METTL15: variants seen among roughly 807,000 people sequenced by gnomAD.
METTL15 encodes the protein methyltransferase 15, mitochondrial 12S rRNA N4-cytidine.
Under a neutral mutation model 38.3 loss-of-function variants are expected in METTL15, and 34 were observed. That is an observed-to-expected ratio of 0.89 (90% confidence interval 0.68 to 1.18). The LOEUF is 1.18. METTL15 is among the 50% of genes most tolerant of loss of function. METTL15 has a pLI of 0.00. For synonymous variants in METTL15, 162 were observed against 170.9 expected, an observed-to-expected ratio of 0.95 and a Z score of 0.41; for missense variants, 438 against 498.4, an observed-to-expected ratio of 0.88 and a Z score of 1.15.
At chr11:28,179,740 AT>A (rs990983519) in intron 3 of METTL15, among the ~76,000 whole-genome samples, 9 of 151,626 alleles carry the variant, frequency 5.9e-5, no homozygotes, top group African/African-American at 2.2e-4. Context: ...CCTCATATGT[AT>A]TTTTTGGGTG....
chr11:28,174,616 C>A (rs1477141207), intron 3 of METTL15, among the ~76,000 whole-genome samples: 2 of 151,570 alleles, frequency 1.3e-5, no homozygotes, highest in African/African-American at 2.4e-5. Context: ...AGATTGAGAC[C>A]ATCCTGGCGA....
intron 3 of METTL15, among the ~76,000 whole-genome samples, chr11:28,177,849 G>A (rs1851134343): frequency 6.6e-6 from 1 of 151,934 alleles, no homozygotes; most frequent in African/African-American, 2.4e-5. Context: ...AGATAACTGA[G>A]TGGATGGATA....
At chr11:28,222,279 C>G (rs1853270130) in intron 4 of METTL15, among the ~76,000 whole-genome samples, 1 of 152,168 alleles carries the variant, frequency 6.6e-6, no homozygotes, top group African/African-American at 2.4e-5. Flanking sequence ...AGCCTGGCTG[C>G]TCCCTTGCCG....
chr11:28,323,844 C>G (rs1281871748), intron 6 of METTL15, among the ~76,000 whole-genome samples: 2 of 152,154 alleles, frequency 1.3e-5, no homozygotes, highest in Admixed American at 1.3e-4. Flanking sequence ...CAAACCTGAT[C>G]TGGAATGTGA....
chr11:28,161,452 T>G (rs1850461303), intron 3 of METTL15, among the ~76,000 whole-genome samples: 1 of 151,998 alleles, frequency 6.6e-6, no homozygotes. Context: ...GGGTACTAAT[T>G]TGAAAGAATT....
At chr11:28,268,903 C>G (rs1855536473) in intron 4 of METTL15, among the ~76,000 whole-genome samples, 3 of 152,046 alleles carry the variant, frequency 2.0e-5, no homozygotes. Flanking sequence ...TTGTATACTG[C>G]TTTAGAACAA....
chr11:28,485,677 A>G (rs1337923858), intron 6 of METTL15, among the ~76,000 whole-genome samples: 3 of 152,306 alleles, frequency 2.0e-5, no homozygotes, highest in Non-Finnish European at 2.9e-5. Context: ...TGCATTTCCT[A>G]TATGAAATTT....
intron 6 of METTL15, among the ~76,000 whole-genome samples, chr11:28,501,563 T>C (rs1008873489): frequency 1.3e-5 from 2 of 152,176 alleles, no homozygotes; most frequent in Admixed American, 1.3e-4. Flanking sequence ...AGGTTACAAT[T>C]GGCTTTTGGT....
At chr11:28,510,280 T>A (rs1453336502) in intron 6 of METTL15, among the ~76,000 whole-genome samples, 1 of 152,210 alleles carries the variant, frequency 6.6e-6, no homozygotes, top group African/African-American at 2.4e-5. Context: ...CAGTACTAGA[T>A]ACCATAAATC....
At chr11:28,323,960 A>G (rs960859489) in intron 6 of METTL15, among the ~76,000 whole-genome samples, 1 of 152,198 alleles carries the variant, frequency 6.6e-6, no homozygotes, top group Non-Finnish European at 1.5e-5. Flanking sequence ...GAGAGAAGTA[A>G]GTGCCAAATA....
intron 5 of METTL15, among the ~76,000 whole-genome samples, chr11:28,389,989 C>T (rs538077690): frequency 2.7e-4 from 41 of 150,776 alleles, no homozygotes; most frequent in South Asian, 8.4e-4. Context: ...CCAGTGATGA[C>T]GAGCATTTTT....
intron 6 of METTL15, among the ~76,000 whole-genome samples, chr11:28,310,491 C>A (rs1474985483): frequency 6.6e-6 from 1 of 152,052 alleles, no homozygotes; most frequent in South Asian, 2.1e-4. Context: ...TTCTGTGATT[C>A]CTATACCTCC....
chr11:28,435,123 A>G (rs1210529468), intron 6 of METTL15, among the ~76,000 whole-genome samples: 1 of 152,218 alleles, frequency 6.6e-6, no homozygotes, highest in African/African-American at 2.4e-5. Flanking sequence ...AATTACTAAC[A>G]TGCTTGACCA....
chr11:28,241,609 T>A (rs187621777), intron 4 of METTL15, among the ~76,000 whole-genome samples: 208 of 150,024 alleles, frequency 1.4e-3, no homozygotes, highest in Middle Eastern at 3.5e-3. Context: ...TAGATAAAGC[T>A]TTTTACAGTT....
chr11:28,365,775 C>T (rs928889432), intron 5 of METTL15, among the ~76,000 whole-genome samples: 11 of 152,076 alleles, frequency 7.2e-5, no homozygotes, highest in Admixed American at 6.6e-5. Flanking sequence ...GGGCCAGGCG[C>T]GGTGGCTCAT....
chr11:28,395,628 C>T (rs891104162), intron 5 of METTL15, among the ~76,000 whole-genome samples: 1 of 152,108 alleles, frequency 6.6e-6, no homozygotes, highest in Non-Finnish European at 1.5e-5. Context: ...GAAAAAAGTC[C>T]AGGACCAGAA....
intron 6 of METTL15, among the ~76,000 whole-genome samples, chr11:28,321,748 G>T (rs1849477598): frequency 6.6e-6 from 1 of 151,990 alleles, no homozygotes; most frequent in Non-Finnish European, 1.5e-5. Flanking sequence ...ATTGTGGGCT[G>T]GTGGAGGAGA....
downstream of METTL15, among the ~76,000 whole-genome samples, chr11:28,337,524 A>G (rs1849912019): frequency 1.3e-5 from 2 of 151,992 alleles, no homozygotes; most frequent in Admixed American, 1.3e-4. Flanking sequence ...CCAGAAAAAT[A>G]TTTTTTATAT....
chr11:28,369,240 T>C (rs1306475781), intron 5 of METTL15, among the ~76,000 whole-genome samples: 1 of 151,906 alleles, frequency 6.6e-6, no homozygotes, highest in African/African-American at 2.4e-5. Context: ...CAGGTACTTT[T>C]CCATTATTAA....
Sources: gnomAD v4.1 joint callset for allele counts (sites outside exome capture counted in the v4.1 genomes callset) on GRCh38, gnomAD v4.1.1 for gene constraint, MANE v1.5 for transcripts, NCBI Gene and HGNC (gene_info 2026-07-23, HGNC 2026-07-21) for gene names.